MDN1: variants seen among roughly 807,000 people sequenced by gnomAD.
MDN1 encodes midasin.
MDN1 carries 266 observed loss-of-function variants against 669.2 expected under a neutral mutation model. That is an observed-to-expected ratio of 0.40 (90% CI 0.36 to 0.44). The LOEUF (loss-of-function observed/expected upper bound fraction) is 0.44, where lower values mean the gene tolerates loss of function less well. Ranked by LOEUF, MDN1 falls within the 20% of genes least tolerant of loss-of-function variation. The pLI, the probability that MDN1 is intolerant of heterozygous loss-of-function variation, is 1.00. For missense variants in MDN1, 5,940 were observed against 6,754.0 expected (o/e 0.88, Z 4.22); for synonymous variants, 2,385 against 2,457.1 (o/e 0.97, Z 0.87).
intron 20 of MDN1, 140 bp downstream of exon 20, chr6:89,756,137 C>A: frequency 2.1e-6 from 1 of 485,270 alleles, no homozygotes; most frequent in Non-Finnish European, 3.6e-6. Flanking sequence ...TCCAACTTTA[C>A]AAGAGAATCT....
At position 89,658,800 on chromosome 6, in the gene MDN1, C is replaced by T; in HGVS notation, c.14831G>A (p.Gly4944Asp). 1.9e-6 allele frequency: 3 copies of T among 1,614,160 alleles called. No individual in the cohort carries two copies. The South Asian group carries it at 3.3e-5, about 18-fold the overall frequency. Residue 4944 changes from glycine (G) to aspartate (D), a missense_variant, in exon 89 of 102, where the codon GGC becomes GAC. By Grantham distance (94) the Gly-to-Asp change is moderately conservative. Transcript: ENST00000369393. ...ESQSPQEPEE[G>D]PSEDDKAEGE... is the part of the protein sequence containing the mutation. The stretch of plus-strand genomic sequence containing the variant: ...TTCTGCCTTGTCATCTTCACTGGGG[C>T]CTTCCTCAGGCTCCTGTGGACTCTG...
intron 50 of MDN1, 116 bp from the exon 51 acceptor site, chr6:89,708,744 G>A (rs773539328): frequency 1.7e-4 from 193 of 1,138,750 alleles, no homozygotes; most frequent in Non-Finnish European, 2.3e-4. Context: ...TCATGATGGG[G>A]AAGAGGTTGA....
intron 22 of MDN1, 122 bp from the exon 23 acceptor site, chr6:89,751,704 A>C: frequency 1.0e-6 from 1 of 1,004,580 alleles, no homozygotes; most frequent in Non-Finnish European, 1.4e-6. Flanking sequence ...TTCAACATTA[A>C]AACTGGATGA....
intron 13 of MDN1, among the ~76,000 whole-genome samples, chr6:89,773,981 A>G (rs1818234114): frequency 1.3e-5 from 2 of 151,936 alleles, no homozygotes; most frequent in African/African-American, 4.8e-5. Flanking sequence ...AAAAAAAAAA[A>G]AAGAAAAGAA....
intron 95 of MDN1, among the ~76,000 whole-genome samples, chr6:89,651,795 CAA>C (rs1352128727): frequency 6.6e-6 from 1 of 152,088 alleles, no homozygotes; most frequent in African/African-American, 2.4e-5. Context: ...ATTTCAGATG[CAA>C]AGTCATTAAA....
intron 14 of MDN1, 52 bp downstream of exon 14, chr6:89,772,521 A>C (rs1005521904): frequency 3.8e-6 from 6 of 1,579,188 alleles, no homozygotes; most frequent in African/African-American, 1.4e-5. Context: ...AAAGGAAAAA[A>C]AGTAGTCAGT....
intron 33 of MDN1, among the ~76,000 whole-genome samples, chr6:89,733,872 A>G (rs909765053): frequency 5.9e-5 from 9 of 152,122 alleles, no homozygotes; most frequent in Non-Finnish European, 1.0e-4. Flanking sequence ...AAATAGGTTC[A>G]CATATGTATT....
At chr6:89,813,963 T>C (rs1768633654) in intron 1 of MDN1, among the ~76,000 whole-genome samples, 2 of 150,204 alleles carry the variant, frequency 1.3e-5, no homozygotes, top group Admixed American at 1.3e-4. Context: ...CGCGGTGGCA[T>C]GCCTATAGTT....
chr6:89,669,024 T>C (rs887288596), intron 83 of MDN1, among the ~76,000 whole-genome samples: 2 of 152,216 alleles, frequency 1.3e-5, no homozygotes, highest in African/African-American at 4.8e-5. Context: ...CATTCAGAAA[T>C]AGACAAAGAA....
intron 1 of MDN1, chr6:89,815,413 C>T (rs572632560): frequency 5.3e-6 from 2 of 380,424 alleles, no homozygotes; most frequent in Non-Finnish European, 1.0e-5. Flanking sequence ...GAAACAAGCC[C>T]TGTCTGACCA....
At chr6:89,796,411 T>C (rs1237816182) in intron 2 of MDN1, among the ~76,000 whole-genome samples, 1 of 114,376 alleles carries the variant, frequency 8.7e-6, no homozygotes, top group Non-Finnish European at 1.8e-5. Flanking sequence ...TACAGACCAA[T>C]AAGTAACTAG....
In MDN1 at chr6:89,655,807, CTCG is replaced by C; in HGVS notation, c.15444_15446del (p.Phe5148_Glu5149delinsLeu). 1 of 1,613,494 alleles carries C rather than the reference CTCG, an allele frequency of 6.2e-7. No individual in the cohort carries two copies. Among genetic ancestry groups the C allele is most frequent in the Non-Finnish European group, 8.5e-7 (1 of 1,179,834 alleles). On this transcript the variant is annotated inframe_deletion, in exon 92 of 102. Coordinates refer to ENST00000369393, the MANE Select transcript of MDN1 (RefSeq NM_014611.3). ...ATGCGTCACTGCCTTGTTTAATGTG[CTCG>C]AATGCATCTGCATCCTCCACCTGGG...
chr6:89,670,164 A>ATTTTTTT (rs1234314950), intron 83 of MDN1, among the ~76,000 whole-genome samples: 20 of 18,252 alleles, frequency 1.1e-3, no homozygotes, highest in African/African-American at 4.8e-3. Flanking sequence ...ATATATATAT[A>ATTTTTTT]TATATATTTT....
chr6:89,690,573 C>CAG (rs1812316041), intron 64 of MDN1, 100 bp downstream of exon 64: 7 of 1,428,546 alleles, frequency 4.9e-6, no homozygotes, highest in Middle Eastern at 2.5e-4. Context: ...TACATACATA[C>CAG]AGAGAGAGAG....
intron 74 of MDN1, among the ~76,000 whole-genome samples, chr6:89,679,622 G>A (rs1340207342): frequency 6.6e-6 from 1 of 152,224 alleles, no homozygotes; most frequent in Non-Finnish European, 1.5e-5. Context: ...GTGACCACGG[G>A]AGGACACAGT....
intron 61 of MDN1, among the ~76,000 whole-genome samples, chr6:89,694,883 G>A (rs1812627524): frequency 6.6e-6 from 1 of 152,068 alleles, no homozygotes; most frequent in African/African-American, 2.4e-5. Flanking sequence ...TAGATAGCAA[G>A]CACCAATAAG....
Position 89,686,865 on chromosome 6 carries a change from G to A in MDN1, c.11572+37C>T, listed in dbSNP as rs756461260. ...TTGCAGCACTCCATTTAGCCGGGAA[G>A]CTCTAAGTGGGCAGGAAATGTACTG... On this transcript the variant is annotated intron_variant, in intron 69 of 101. Coordinates refer to ENST00000369393, the MANE Select transcript of MDN1 (RefSeq NM_014611.3). The A allele has an allele frequency of 3.1e-6, 5 of 1,610,362 alleles. No individual in the cohort carries two copies. The Admixed American group carries it at 8.4e-5, about 27-fold the overall frequency.
intron 20 of MDN1, among the ~76,000 whole-genome samples, chr6:89,755,545 T>C (rs1817203032): frequency 6.6e-6 from 1 of 152,178 alleles, no homozygotes; most frequent in African/African-American, 2.4e-5. Context: ...CTCATAGCTA[T>C]AACCACAGCA....
intron 17 of MDN1, among the ~76,000 whole-genome samples, chr6:89,760,814 G>A (rs561639720): frequency 6.6e-6 from 1 of 152,274 alleles, no homozygotes; most frequent in African/African-American, 2.4e-5. Context: ...GAAGCAGCCA[G>A]CAGAATGGTA....
Sources: gnomAD v4.1 joint callset for allele counts (sites outside exome capture counted in the v4.1 genomes callset) on GRCh38, gnomAD v4.1.1 for gene constraint, MANE v1.5 for transcripts, NCBI Gene and HGNC (gene_info 2026-07-23, HGNC 2026-07-21) for gene names.